The following ADORA2B variants were observed in gnomAD, a reference collection of about 807,000 sequenced individuals.
ADORA2B encodes the protein adenosine A2b receptor.
Under a neutral mutation model 20.8 loss-of-function variants are expected in ADORA2B, and 18 were observed. The ratio of observed to expected loss-of-function variants is 0.87; its 90% CI spans 0.60 to 1.29. ADORA2B has a LOEUF of 1.29. Ranked by LOEUF, ADORA2B falls within the 50% of genes most tolerant of loss-of-function variation. ADORA2B has a pLI of 0.00. For missense variants in ADORA2B, 441 were observed against 422.7 expected (o/e 1.04, Z -0.38); for synonymous variants, 179 against 178.3 (o/e 1.00, Z -0.03).
chr17:15,946,495 G>A (rs570912590), intron 1 of ADORA2B, among the ~76,000 whole-genome samples: 11 of 152,366 alleles, frequency 7.2e-5, no homozygotes, highest in African/African-American at 2.4e-4. Context: ...TGGTGCCTGG[G>A]CCACTTTGGC....
the ADORA2B span, among the ~76,000 whole-genome samples, chr17:15,888,825 T>C: frequency 6.4e-5 from 1 of 15,510 alleles, no homozygotes; most frequent in Non-Finnish European, 1.2e-4. Flanking sequence ...CATATATATA[T>C]ATATATATAT....
the ADORA2B span, chr17:15,850,673 A>C: frequency 5.9e-6 from 1 of 169,112 alleles, no homozygotes; most frequent in Admixed American, 6.5e-5. Flanking sequence ...CCTGCCAGGT[A>C]GATGAGCCCC....
chr17:15,932,298 G>A, the ADORA2B span, among the ~76,000 whole-genome samples: 1 of 151,784 alleles, frequency 6.6e-6, no homozygotes, highest in East Asian at 1.9e-4. Context: ...TTCGAGACCA[G>A]CCTGGCCAAC....
At chr17:15,880,847 A>G in the ADORA2B span, among the ~76,000 whole-genome samples, 2 of 152,248 alleles carry the variant, frequency 1.3e-5, no homozygotes, top group Non-Finnish European at 2.9e-5. Context: ...CTTAGCAGCT[A>G]TTTAAAGGGA....
the ADORA2B span, among the ~76,000 whole-genome samples, chr17:15,882,654 A>G: frequency 7.2e-5 from 11 of 152,200 alleles, no homozygotes; most frequent in Non-Finnish European, 1.3e-4. Context: ...GGAAGTATCT[A>G]TATCAAAACT....
At chr17:15,882,420 T>A in the ADORA2B span, among the ~76,000 whole-genome samples, 1 of 152,058 alleles carries the variant, frequency 6.6e-6, no homozygotes, top group African/African-American at 2.4e-5. Flanking sequence ...TGGACTCCAG[T>A]TAAAGGTTCT....
At chr17:15,934,235 T>A in the ADORA2B span, among the ~76,000 whole-genome samples, 32,280 of 152,108 alleles carry the variant, frequency 0.21, 3,532 homozygotes, top group African/African-American at 0.26. Flanking sequence ...TTATTTATTT[T>A]TTTATTTTTT....
At chr17:15,906,087 G>T in the ADORA2B span, among the ~76,000 whole-genome samples, 1 of 152,214 alleles carries the variant, frequency 6.6e-6, no homozygotes, top group Admixed American at 6.5e-5. Flanking sequence ...TTTCCAATTC[G>T]TATGCCATTT....
Position 15,974,770 on chromosome 17 carries a change from G to A in ADORA2B, c.427G>A (p.Gly143Arg), listed in dbSNP as rs149032785. 6.2e-7 allele frequency: 1 copy of A among 1,613,980 alleles called. No homozygotes were observed. The highest frequency in any genetic ancestry group is 8.5e-7 in the Non-Finnish European group (1 of 1,180,010). ...AFGIGLTPFL[G>R]WNSKDSATNN... ...TGGCATCGGATTGACTCCATTCCTG[G>A]GGTGGAACAGTAAAGACAGTGCCAC... The change falls in exon 2 of 2, where the codon GGG becomes AGG. Residue 143 changes from glycine (G) to arginine (R), a missense_variant. Gly to Arg is a moderately radical substitution (Grantham distance 125). Coordinates refer to ENST00000304222, the MANE Select transcript of ADORA2B (RefSeq NM_000676.4).
chr17:15,974,952 T>C lies in ADORA2B; in HGVS notation c.609T>C (p.Ile203=), dbSNP rs770185409. Residue 203 remains isoleucine, a synonymous_variant, in exon 2 of 2, where the codon ATT becomes ATC. Coordinates refer to ENST00000304222, the MANE Select transcript of ADORA2B (RefSeq NM_000676.4). ...TGCTTATAATGCTGGTGATCTACAT[T>C]AAGATCTTCCTGGTGGCCTGCAGGC... ...PPLLIMLVIY[I]KIFLVACRQL... 3 of 1,614,134 alleles carry C rather than the reference T, an allele frequency of 1.9e-6. No homozygotes were observed. In the Admixed American group the frequency reaches 5.0e-5, roughly 27 times the overall value.
the ADORA2B span, among the ~76,000 whole-genome samples, chr17:15,895,120 G>C: frequency 6.6e-6 from 1 of 152,200 alleles, no homozygotes; most frequent in East Asian, 1.9e-4. Context: ...CAACTGATTA[G>C]ATGAGGACCA....
At chr17:15,860,208 CA>C in the ADORA2B span, among the ~76,000 whole-genome samples, 3 of 152,202 alleles carry the variant, frequency 2.0e-5, no homozygotes, top group Non-Finnish European at 4.4e-5. Context: ...ATTGCTTACT[CA>C]GGGAGCTCGG....
chr17:15,897,992 G>C, the ADORA2B span, among the ~76,000 whole-genome samples: 1 of 152,060 alleles, frequency 6.6e-6, no homozygotes, highest in Admixed American at 6.5e-5. Context: ...AACCATTAAA[G>C]GGGTTGAATT....
chr17:15,963,242 C>T (rs958090172), intron 1 of ADORA2B, among the ~76,000 whole-genome samples: 1 of 152,146 alleles, frequency 6.6e-6, no homozygotes, highest in Non-Finnish European at 1.5e-5. Context: ...AGGCAAGAAT[C>T]ATCAATAGGT....
At chr17:15,892,780 A>T in the ADORA2B span, among the ~76,000 whole-genome samples, 1 of 151,968 alleles carries the variant, frequency 6.6e-6, no homozygotes, top group African/African-American at 2.4e-5. Flanking sequence ...CATGAATCCA[A>T]CTGTGTCCTC....
At position 15,975,274 on chromosome 17, in the gene ADORA2B, T is replaced by G. The variant is rs2151613463; in HGVS notation, c.931T>G (p.Cys311Gly). The G allele has an allele frequency of 6.2e-7, 1 of 1,613,712 alleles. No homozygotes were observed. Among genetic ancestry groups the G allele is most frequent in the East Asian group, 2.2e-5 (1 of 44,874 alleles). The change falls in exon 2 of 2, where the codon TGC becomes GGC. Residue 311 changes from cysteine to glycine, a missense_variant. Physicochemically the swap from Cys to Gly is radical, Grantham distance 159. Coordinates refer to ENST00000304222, the MANE Select transcript of ADORA2B (RefSeq NM_000676.4). ...FHKIISRYLL[C>G]QADVKSGNGQ... ...CAAAATTATCTCCAGGTATCTTCTC[T>G]GCCAAGCAGATGTCAAGAGTGGGAA...
At chr17:15,856,782 A>G in the ADORA2B span, among the ~76,000 whole-genome samples, 9 of 152,222 alleles carry the variant, frequency 5.9e-5, no homozygotes, top group Admixed American at 5.9e-4. Flanking sequence ...CTTGAGAGAA[A>G]TGATCTGAAA....
intron 1 of ADORA2B, among the ~76,000 whole-genome samples, chr17:15,956,210 C>T (rs1358514519): frequency 6.6e-6 from 1 of 152,178 alleles, no homozygotes; most frequent in African/African-American, 2.4e-5. Context: ...CTTTGAAAAA[C>T]ATTTTTTAGA....
At chr17:15,961,929 T>C (rs1288274184) in intron 1 of ADORA2B, among the ~76,000 whole-genome samples, 1 of 152,256 alleles carries the variant, frequency 6.6e-6, no homozygotes. Flanking sequence ...CTCTCAGCAC[T>C]GTTGCATTGC....
Sources: allele counts gnomAD v4.1 joint callset (sites outside exome capture counted in the v4.1 genomes callset), GRCh38; gene constraint gnomAD v4.1.1; transcripts MANE v1.5; gene names NCBI Gene and HGNC (gene_info 2026-07-23, HGNC 2026-07-21).